TANK: variants seen among roughly 807,000 people sequenced by gnomAD.
TANK encodes the protein TRAF family member-associated NF-kappa-B activator.
Under a neutral mutation model 43.6 loss-of-function variants are expected in TANK, and 15 were observed. The ratio of observed to expected loss-of-function variants is 0.34; its 90% CI spans 0.23 to 0.53. The LOEUF is 0.53. Ranked by LOEUF, TANK falls within the 20% of genes least tolerant of loss-of-function variation. TANK has a pLI of 0.94. For synonymous variants in TANK, 162 were observed against 178.2 expected (o/e 0.91, Z 0.73); for missense variants, 417 against 498.6 (o/e 0.84, Z 1.56).
At position 161,212,818 on chromosome 2, in the gene TANK, T is replaced by G. The variant is rs1489673963; in HGVS notation, c.327+8025T>G. On this transcript the variant is annotated intron_variant, in intron 4 of 7. Transcript: ENST00000392749. ...CCTTGATAGGTAAGGAATAGCCCCC[T>G]GTCCACCTCCATCTTAGTCTGTATT... 3.1e-6 allele frequency: 3 copies of G among 962,612 alleles called. No homozygotes were observed. The African/African-American group carries it at 5.3e-5, about 17-fold the overall frequency. The allele number at this position is 962,612 out of a possible 1,614,324, so 59.6% of individuals were successfully genotyped here. A position where few individuals can be genotyped will look rare whatever the true frequency, so the allele number is the denominator to read the frequency against.
At chr2:161,138,880 C>A (rs558073989) in intron 1 of TANK, among the ~76,000 whole-genome samples, 1 of 152,198 alleles carries the variant, frequency 6.6e-6, no homozygotes, top group Non-Finnish European at 1.5e-5. Context: ...CCTGAATATT[C>A]TATTAATATG....
intron 1 of TANK, among the ~76,000 whole-genome samples, chr2:161,151,447 CT>C (rs1294662942): frequency 1.3e-5 from 2 of 151,926 alleles, no homozygotes; most frequent in Non-Finnish European, 2.9e-5. Flanking sequence ...TTTTTGGGCC[CT>C]GTTATTTGAT....
At chr2:161,145,621 T>C (rs1183848008) in intron 1 of TANK, among the ~76,000 whole-genome samples, 1 of 151,946 alleles carries the variant, frequency 6.6e-6, no homozygotes, top group African/African-American at 2.4e-5. Flanking sequence ...AATTTTGGGT[T>C]GAAAATTATT....
intron 1 of TANK, among the ~76,000 whole-genome samples, chr2:161,153,011 A>G (rs949759569): frequency 5.9e-5 from 9 of 151,828 alleles, no homozygotes; most frequent in Non-Finnish European, 7.4e-5. Flanking sequence ...CATTTCTCTC[A>G]TTTCTCCTTC....
chr2:161,183,039 C>G (rs1268437841), intron 2 of TANK, among the ~76,000 whole-genome samples: 1 of 152,128 alleles, frequency 6.6e-6, no homozygotes, highest in Non-Finnish European at 1.5e-5. Flanking sequence ...GAACCATGGA[C>G]AAAAACCTAA....
At chr2:161,214,558 C>T (rs1023610958) in intron 4 of TANK, among the ~76,000 whole-genome samples, 1 of 150,226 alleles carries the variant, frequency 6.7e-6, no homozygotes, top group African/African-American at 2.5e-5. Context: ...AATACAGTGA[C>T]AACAGTTTGA....
At chr2:161,177,997 T>C (rs150032378) in intron 1 of TANK, among the ~76,000 whole-genome samples, 3,553 of 152,192 alleles carry the variant, frequency 0.023, 72 homozygotes, top group Non-Finnish European at 0.032. Context: ...ATGGCTGTAA[T>C]TTTTTAAGTG....
intron 1 of TANK, among the ~76,000 whole-genome samples, chr2:161,178,539 C>T (rs1275708933): frequency 6.6e-6 from 1 of 151,218 alleles, no homozygotes; most frequent in East Asian, 1.9e-4. Flanking sequence ...TAGGTATGGA[C>T]TGTTTTAGGG....
upstream of TANK, among the ~76,000 whole-genome samples, chr2:161,158,745 T>C (rs576945484): frequency 2.0e-5 from 3 of 152,352 alleles, no homozygotes; most frequent in African/African-American, 7.2e-5. Context: ...GCAATAGATA[T>C]TGTCAAGAGA....
At chr2:161,195,023 G>A (rs1686082147) in intron 2 of TANK, among the ~76,000 whole-genome samples, 1 of 152,066 alleles carries the variant, frequency 6.6e-6, no homozygotes, top group Admixed American at 6.5e-5. Flanking sequence ...TTTGCCAGTA[G>A]ATTCATTTTC....
intron 4 of TANK, among the ~76,000 whole-genome samples, chr2:161,213,340 C>T (rs542794300): frequency 1.9e-4 from 29 of 152,284 alleles, no homozygotes; most frequent in Middle Eastern, 3.4e-3. Context: ...CAGTGGCTCA[C>T]GCCTGTAATC....
chr2:161,155,142 G>A lies in TANK; in HGVS notation c.-50+18079G>A, dbSNP rs192524940. Among the ~76,000 whole-genome samples, 426 of 152,120 alleles carry A rather than the reference G, an allele frequency of 2.8e-3. 1 individual carries two copies. The highest frequency in any genetic ancestry group is 6.8e-3 in the Middle Eastern group (2 of 294). ...TCTTCAATTATTAGAATGAGATCCT[G>A]TAATTTTCTTATTTCTATATATAGA... On this transcript the variant is annotated intron_variant, in intron 1 of 7. Transcript: ENST00000259075.
At chr2:161,158,818 T>A (rs968911590), upstream of TANK, among the ~76,000 whole-genome samples, 2 of 152,156 alleles carry the variant, frequency 1.3e-5, no homozygotes, top group Non-Finnish European at 2.9e-5. Flanking sequence ...GATAAAGGAC[T>A]TATCAAAAAT....
chr2:161,212,665 C>T (rs1484607498), intron 4 of TANK: 25 of 985,094 alleles, frequency 2.5e-5, no homozygotes, highest in Non-Finnish European at 3.0e-5. Flanking sequence ...TCCTTATTTC[C>T]CCTATCATCC....
rs537781081 is a variant in TANK, at chr2:161,173,974, C to T, written c.-49-5640C>T. 6.6e-5 allele frequency among the ~76,000 whole-genome samples: 10 copies of T among 152,248 alleles called. No homozygotes were observed. The East Asian group carries it at 1.9e-3, about 29-fold the overall frequency. On this transcript the variant is annotated intron_variant, in intron 1 of 7. Transcript: ENST00000392749. ...GAAAACTTGTTATGGAAGTTACACC[C>T]ATTTGCCAATGACTAGCACGTAGTC...
intron 4 of TANK, among the ~76,000 whole-genome samples, chr2:161,215,808 T>C (rs750669948): frequency 6.6e-6 from 1 of 152,200 alleles, no homozygotes; most frequent in Non-Finnish European, 1.5e-5. Context: ...TGAGCTTCTC[T>C]GCTGCTTGGT....
chr2:161,213,021 A>T (rs1349220311), intron 4 of TANK, among the ~76,000 whole-genome samples: 5 of 152,228 alleles, frequency 3.3e-5, no homozygotes, highest in Admixed American at 6.5e-5. Context: ...CCATGATGAG[A>T]GAGGAAGCAA....
chr2:161,158,584 A>G (rs1425840037), upstream of TANK, among the ~76,000 whole-genome samples: 1 of 152,222 alleles, frequency 6.6e-6, no homozygotes, highest in Non-Finnish European at 1.5e-5. Flanking sequence ...TAGCACCTCC[A>G]TATTTCAAAA....
intron 4 of TANK, chr2:161,216,457 A>G (rs1381613858): frequency 2.2e-6 from 1 of 459,830 alleles, no homozygotes; most frequent in Admixed American, 2.5e-5. Flanking sequence ...GCATAAAGTG[A>G]TAATTTTTTG....
Sources: allele counts gnomAD v4.1 joint callset (sites outside exome capture counted in the v4.1 genomes callset), GRCh38; gene constraint gnomAD v4.1.1; transcripts MANE v1.5; gene names NCBI Gene and HGNC (gene_info 2026-07-23, HGNC 2026-07-21).